Variants in UHRF2 observed in about 807,000 individuals in gnomAD.
UHRF2 encodes E3 ubiquitin-protein ligase UHRF2.
A neutral mutation model predicts 96.8 loss-of-function variants in UHRF2; 23 were observed. That is an observed-to-expected ratio of 0.24 (90% CI 0.17 to 0.34). The LOEUF (loss-of-function observed/expected upper bound fraction) is 0.34. UHRF2 is among the 10% of genes least tolerant of loss of function. The probability of loss-of-function intolerance (pLI) is 1.00; values close to 1 mark genes in which losing one functional copy is unlikely to be tolerated. For synonymous variants in UHRF2, 385 were observed against 332.6 expected, an observed-to-expected ratio of 1.16 and a Z score of -1.72; for missense variants, 685 against 981.5, an observed-to-expected ratio of 0.70 and a Z score of 4.04.
At chr9:6,440,620 T>G (rs1365770227) in intron 3 of UHRF2, among the ~76,000 whole-genome samples, 2 of 152,220 alleles carry the variant, frequency 1.3e-5, no homozygotes, top group Admixed American at 1.3e-4. Flanking sequence ...GCAACTTCTA[T>G]TGAGCTAAAC....
chr9:6,430,171 C>A (rs1275549102), intron 2 of UHRF2, among the ~76,000 whole-genome samples: 1 of 152,090 alleles, frequency 6.6e-6, no homozygotes, highest in Non-Finnish European at 1.5e-5. Flanking sequence ...CCACCATGCC[C>A]GGCTAATTTT....
chr9:6,468,440 A>G (rs778793812), intron 4 of UHRF2: 7 of 456,092 alleles, frequency 1.5e-5, no homozygotes, highest in Middle Eastern at 3.3e-4. Flanking sequence ...AATGCACCAG[A>G]GAATCAAAGA....
At chr9:6,441,987 G>C (rs1271108726) in intron 3 of UHRF2, among the ~76,000 whole-genome samples, 1 of 152,078 alleles carries the variant, frequency 6.6e-6, no homozygotes, top group East Asian at 1.9e-4. Flanking sequence ...CGAGATCTAA[G>C]GTTTTTCTTG....
intron 4 of UHRF2, among the ~76,000 whole-genome samples, chr9:6,470,346 A>G (rs2130877281): frequency 6.6e-6 from 1 of 151,668 alleles, no homozygotes; most frequent in South Asian, 2.1e-4. Flanking sequence ...GTGACAGAGC[A>G]AGACTCCATC....
Position 6,482,053 on chromosome 9 carries a change from C to A in UHRF2, c.1346C>A (p.Pro449His). ...ATTGTCCCTTCTAATCATTATGGACCCATTCCTGGTATTCCTGTTGGATCA... is the reference window on the plus strand; with the variant it reads ...ATTGTCCCTTCTAATCATTATGGACACATTCCTGGTATTCCTGTTGGATCA... Reference protein sequence around the residue: ...CTIVPSNHYGPIPGIPVGSTW... With the variant: ...CTIVPSNHYGHIPGIPVGSTW... The change falls in exon 8 of 16, where the codon CCC becomes CAC. Residue 449 changes from proline to histidine, a missense_variant. Physicochemically the swap from Pro to His is moderately conservative, Grantham distance 77. Transcript: ENST00000276893. The A allele has an allele frequency of 6.2e-7, 1 of 1,613,896 alleles. No individual in the cohort carries two copies. The highest frequency in any genetic ancestry group is 2.2e-5 in the East Asian group (1 of 44,858).
intron 2 of UHRF2, 133 bp from the exon 3 acceptor site, chr9:6,433,781 A>G: frequency 1.2e-6 from 1 of 867,366 alleles, no homozygotes; most frequent in Non-Finnish European, 1.7e-6. Flanking sequence ...ATCTAATCTT[A>G]TTAACCACTT....
chr9:6,452,392 C>T (rs1587815362), intron 3 of UHRF2, among the ~76,000 whole-genome samples: 1 of 152,312 alleles, frequency 6.6e-6, no homozygotes, highest in East Asian at 1.9e-4. Context: ...GAAAATACCA[C>T]TTTGTATTTG....
chr9:6,434,730 C>T (rs981645479), intron 3 of UHRF2, among the ~76,000 whole-genome samples: 17 of 152,186 alleles, frequency 1.1e-4, no homozygotes, highest in Admixed American at 5.9e-4. Flanking sequence ...TGAGCCACTG[C>T]GCCTGGCCTC....
intron 1 of UHRF2, chr9:6,415,095 G>C (rs1239802797): frequency 6.6e-6 from 1 of 152,152 alleles, no homozygotes; most frequent in Non-Finnish European, 1.5e-5. Flanking sequence ...GAATTCCTAG[G>C]ACACTGGTGA....
intron 3 of UHRF2, among the ~76,000 whole-genome samples, chr9:6,442,503 G>A (rs1821233202): frequency 6.6e-6 from 1 of 150,544 alleles, no homozygotes; most frequent in South Asian, 2.1e-4. Flanking sequence ...TTTTGAGACA[G>A]GGTCTTGTTC....
chr9:6,474,814 A>G (rs1035414826), intron 4 of UHRF2, among the ~76,000 whole-genome samples: 2 of 152,224 alleles, frequency 1.3e-5, no homozygotes, highest in Non-Finnish European at 2.9e-5. Flanking sequence ...TGAGTCTGAC[A>G]AGTATGGTGT....
chr9:6,442,782 T>G (rs1821253334), intron 3 of UHRF2, among the ~76,000 whole-genome samples: 1 of 152,102 alleles, frequency 6.6e-6, no homozygotes, highest in Non-Finnish European at 1.5e-5. Context: ...TGAGCCACTG[T>G]GCCTGGCATG....
intron 4 of UHRF2, chr9:6,468,412 C>T (rs1449015406): frequency 4.4e-6 from 2 of 455,860 alleles, no homozygotes; most frequent in South Asian, 1.5e-5. Flanking sequence ...ATAGCCCGAT[C>T]AAATAGTCAT....
intron 3 of UHRF2, among the ~76,000 whole-genome samples, chr9:6,434,625 G>T (rs1194276233): frequency 6.6e-6 from 1 of 151,926 alleles, no homozygotes; most frequent in Non-Finnish European, 1.5e-5. Flanking sequence ...TTTTAGTAGA[G>T]ATGGGGTTTC....
chr9:6,433,432 T>A (rs1463363711), intron 2 of UHRF2, among the ~76,000 whole-genome samples: 1 of 152,248 alleles, frequency 6.6e-6, no homozygotes, highest in Non-Finnish European at 1.5e-5. Flanking sequence ...CTCTTTTTTT[T>A]ATTGTGCATA....
chr9:6,476,682 C>T (rs1823593284), intron 5 of UHRF2, among the ~76,000 whole-genome samples: 1 of 152,042 alleles, frequency 6.6e-6, no homozygotes, highest in Non-Finnish European at 1.5e-5. Flanking sequence ...GCAACCTCTG[C>T]CTCCCGGGTT....
intron 3 of UHRF2, among the ~76,000 whole-genome samples, chr9:6,437,024 C>G (rs1820891167): frequency 6.6e-6 from 1 of 152,012 alleles, no homozygotes. Context: ...AAATAAGCTC[C>G]TGGATAAAAG....
chr9:6,415,176 C>G (rs930357589), intron 1 of UHRF2: 1 of 152,116 alleles, frequency 6.6e-6, no homozygotes, highest in Non-Finnish European at 1.5e-5. Flanking sequence ...ATCAAATATG[C>G]TAAAATAATT....
At chr9:6,447,520 A>G (rs901577618) in intron 3 of UHRF2, among the ~76,000 whole-genome samples, 2 of 152,216 alleles carry the variant, frequency 1.3e-5, no homozygotes, top group East Asian at 1.9e-4. Context: ...AGCAGAAAAT[A>G]TGGGGCTACC....
Sources: gnomAD v4.1 joint callset for allele counts (sites outside exome capture counted in the v4.1 genomes callset) on GRCh38, gnomAD v4.1.1 for gene constraint, MANE v1.5 for transcripts, NCBI Gene and HGNC (gene_info 2026-07-23, HGNC 2026-07-21) for gene names.